EPOR: variants seen among roughly 807,000 people sequenced by gnomAD.
EPOR encodes erythropoietin receptor.
A neutral mutation model predicts 34.3 loss-of-function variants in EPOR; 20 were observed. The ratio of observed to expected loss-of-function variants is 0.58; its 90% CI spans 0.41 to 0.85. The LOEUF is 0.85. Among genes scored for constraint, EPOR ranks in the 40% least tolerant of loss-of-function variants. The pLI is 0.00. For missense variants in EPOR, 601 were observed against 672.7 expected, an observed-to-expected ratio of 0.89 and a Z score of 1.18; for synonymous variants, 312 against 299.0, an observed-to-expected ratio of 1.04 and a Z score of -0.45.
chr19:11,377,529 A>G lies in EPOR; in HGVS notation c.*455T>C, dbSNP rs982622373. ...CTGGAAGAGTCTGAACCTCTGACTC[A>G]TCCCATGGATGGCTGCCCATTTGAG... is the stretch of plus-strand genomic sequence containing the variant. On this transcript the variant is annotated 3_prime_UTR_variant, in exon 8 of 8. Transcript: ENST00000222139. 6.6e-6 allele frequency: 3 copies of G among 454,328 alleles called. No individual in the cohort carries two copies. The highest frequency in any genetic ancestry group is 6.0e-5 in the African/African-American group (3 of 50,026). The allele number at this position is 454,328 out of a possible 1,614,324, so 28.1% of individuals were successfully genotyped here. A position where few individuals can be genotyped will look rare whatever the true frequency, so the allele number is the denominator to read the frequency against.
rs1325116886 is a variant in EPOR, at chr19:11,381,038, C to T, written c.739+18G>A. On this transcript the variant is annotated intron_variant, in intron 5 of 7. Coordinates refer to ENST00000222139, the MANE Select transcript of EPOR (RefSeq NM_000121.4). The surrounding 1 kb of genome is among the most constrained non-coding windows in gnomAD (Gnocchi z 5.3). ...TGATTCGCCCTGGCTCCTCCTACAC[C>T]CCCGCCTGGGGCCTCACCGCTAGGC... The T allele has an allele frequency of 6.3e-7, 1 of 1,591,892 alleles. No individual in the cohort carries two copies. Among genetic ancestry groups the T allele is most frequent in the Middle Eastern group, 1.7e-4 (1 of 6,016 alleles).
Position 11,382,083 on chromosome 19 carries a change from G to T in EPOR, c.274C>A (p.Arg92Ser). 1 of 1,613,964 alleles carries T rather than the reference G, an allele frequency of 6.2e-7. No individual in the cohort carries two copies. Among genetic ancestry groups the T allele is most frequent in the South Asian group, 1.1e-5 (1 of 91,066 alleles). The change falls in exon 3 of 8, where the codon CGC becomes AGC. Residue 92 changes from arginine to serine, a missense_variant. Arg to Ser is a moderately radical substitution (Grantham distance 110). Coordinates refer to ENST00000222139, the MANE Select transcript of EPOR (RefSeq NM_000121.4). ...QLEDEPWKLCRLHQAPTARGA... is the reference protein window; with the variant it reads ...QLEDEPWKLCSLHQAPTARGA... ...CGAGCCGTGGGAGCCTGGTGCAGGC[G>T]ACACAGCTTCCATGGCTCATCCCTA...
rs776503090 is a variant in EPOR at position 11,381,662 on chromosome 19, T to TG, written c.585+29dup. ...GGCTGGGCCGTAGTCAGTGGAGCTT[T>TG]GGGGGCTGGGCCGTAGGGGCTGGCC... On this transcript the variant is annotated intron_variant, in intron 4 of 7. Transcript: ENST00000222139. The surrounding 1 kb of genome is among the most constrained non-coding windows in gnomAD (Gnocchi z 5.3). 4 of 1,579,894 alleles carry TG rather than the reference T, an allele frequency of 2.5e-6. No homozygotes were observed. The highest frequency in any genetic ancestry group is 3.4e-6 in the Non-Finnish European group (4 of 1,162,812).
chr19:11,379,980 C>T lies in EPOR; in HGVS notation c.827+904G>A, dbSNP rs112371899. On this transcript the variant is annotated intron_variant, in intron 6 of 7. Coordinates refer to ENST00000222139, the MANE Select transcript of EPOR (RefSeq NM_000121.4). ...CATCCCAAAGTGCTGGGATTACAGG[C>T]GTGAGCCACCATGCCAGGCCATGCC... Among the ~76,000 whole-genome samples, 1,143 of 152,270 alleles carry T rather than the reference C, an allele frequency of 7.5e-3. 14 individuals are homozygous for T. The highest frequency in any genetic ancestry group is 0.027 in the African/African-American group (1,104 of 41,568).
chr19:11,380,840 T>C, intron 6 of EPOR, 44 bp downstream of exon 6: 1 of 1,454,482 alleles, frequency 6.9e-7, no homozygotes. Context: ...AGAGGACCGT[T>C]GGCGGGGAGG....
Position 11,383,402 on chromosome 19 carries a change from A to C in EPOR, c.116-170T>G. ...GGGTCCGCAGAGGTGGTGCCCCCCT[A>C]ATTCCCAGGGGCAAGTTTCTCGCCT... On this transcript the variant is annotated intron_variant, in intron 1 of 7. Coordinates refer to ENST00000222139, the MANE Select transcript of EPOR (RefSeq NM_000121.4). This position sits in a 1 kb window ranked among gnomAD's most constrained non-coding sequence, Gnocchi z 4.9. 1 of 629,474 alleles carries C rather than the reference A, an allele frequency of 1.6e-6. No homozygotes were observed. Among genetic ancestry groups the C allele is most frequent in the Non-Finnish European group, 2.6e-6 (1 of 377,534 alleles). The allele number at this position is 629,474 out of a possible 1,614,324, so 39.0% of individuals were successfully genotyped here. A position where few individuals can be genotyped will look rare whatever the true frequency, so the allele number is the denominator to read the frequency against.
At chr19:11,382,643 G>T (rs1968378643) in intron 2 of EPOR, among the ~76,000 whole-genome samples, 2 of 152,046 alleles carry the variant, frequency 1.3e-5, no homozygotes, top group African/African-American at 2.4e-5. Flanking sequence ...GATTACAGGC[G>T]TGAGCCACCG....
intron 2 of EPOR, 197 bp downstream of exon 2, chr19:11,382,900 C>A: frequency 6.5e-7 from 1 of 1,529,136 alleles, no homozygotes; most frequent in Non-Finnish European, 8.7e-7. Flanking sequence ...CGCGTTCCAG[C>A]GGTGATCGCG....
intron 6 of EPOR, among the ~76,000 whole-genome samples, chr19:11,380,434 G>A (rs1447848300): frequency 6.6e-6 from 1 of 152,250 alleles, no homozygotes; most frequent in Non-Finnish European, 1.5e-5. Context: ...ATTCCAGGCA[G>A]AGGGAACAGC....
chr19:11,383,103 T>C lies in EPOR; in HGVS notation c.245A>G (p.Gln82Arg), dbSNP rs1218322679. Residue 82 changes from glutamine to arginine, a missense_variant, in exon 2 of 8, where the codon CAG (glutamine) becomes CGG (arginine). Gln to Arg is a conservative substitution (Grantham distance 43). Transcript: ENST00000222139. This position sits in a 1 kb window ranked among gnomAD's most constrained non-coding sequence, Gnocchi z 4.9. ...VGPGNYSFSY[Q>R]LEDEPWKLCR... ...CCCGCCGGATCGGACTCACTCGAGC[T>C]GGTAGGAGAAGCTGTAGTTGCCCGG... The C allele has an allele frequency of 6.2e-7, 1 of 1,613,442 alleles. No homozygotes were observed. Among genetic ancestry groups the C allele is most frequent in the Non-Finnish European group, 8.5e-7 (1 of 1,179,838 alleles).
rs761263193 is a variant in EPOR, at chr19:11,381,151, C to T, written c.644G>A (p.Arg215His). 5.1e-6 allele frequency: 8 copies of T among 1,557,988 alleles called. No individual in the cohort carries two copies. The highest frequency in any genetic ancestry group is 3.8e-5 in the Admixed American group (2 of 51,978). ...CVLSNLRGRTRYTFAVRARMA... is the reference protein window; with the variant it reads ...CVLSNLRGRTHYTFAVRARMA... The stretch of plus-strand genomic sequence containing the variant: ...ACGCGCGCGGACGGCGAAGGTGTAG[C>T]GCGTCCGGCCCCGCAGGTTGCTCAG... Residue 215 changes from arginine to histidine, a missense_variant, in exon 5 of 8, where the codon CGC (arginine) becomes CAC (histidine). Coordinates refer to ENST00000222139, the MANE Select transcript of EPOR (RefSeq NM_000121.4). This position sits in a 1 kb window ranked among gnomAD's most constrained non-coding sequence, Gnocchi z 5.3.
In EPOR at chr19:11,377,312, T is replaced by C. The variant is rs749474213; in HGVS notation, c.*672A>G. ...ACAGCTAAACTAAGTTTCCTGGCCTTTCATGTGACTGGGGTCATGTGACTG... is the reference window on the plus strand; with the variant it reads ...ACAGCTAAACTAAGTTTCCTGGCCTCTCATGTGACTGGGGTCATGTGACTG... On this transcript the variant is annotated 3_prime_UTR_variant, in exon 8 of 8. Transcript: ENST00000222139. 10 of 453,974 alleles carry C rather than the reference T, an allele frequency of 2.2e-5. No individual in the cohort carries two copies. The highest frequency in any genetic ancestry group is 3.5e-5 in the Non-Finnish European group (8 of 226,800). The allele number at this position is 453,974 out of a possible 1,614,324, so 28.1% of individuals were successfully genotyped here.
Position 11,381,379 on chromosome 19 carries a change from G to A in EPOR, c.586-170C>T. ...CCAAGAAAGCTCAGGGCCAATCAGA[G>A]AGAGAGTCTCTGGTACGAAAGGGCG... On this transcript the variant is annotated intron_variant, in intron 4 of 7. Coordinates refer to ENST00000222139, the MANE Select transcript of EPOR (RefSeq NM_000121.4). This position sits in a 1 kb window ranked among gnomAD's most constrained non-coding sequence, Gnocchi z 5.3. The A allele has an allele frequency of 2.6e-6, 2 of 766,416 alleles. No homozygotes were observed. Among genetic ancestry groups the A allele is most frequent in the Non-Finnish European group, 4.2e-6 (2 of 470,828 alleles). The allele number at this position is 766,416 out of a possible 1,614,324, so 47.5% of individuals were successfully genotyped here.
chr19:11,380,784 T>C, intron 6 of EPOR, 100 bp downstream of exon 6: 3 of 962,320 alleles, frequency 3.1e-6, no homozygotes, highest in Admixed American at 2.0e-5. Flanking sequence ...CTGCGTGACC[T>C]TGGGCAAGTG....
Position 11,377,964 on chromosome 19 carries a change from A to G in EPOR, c.*20T>C. The G allele has an allele frequency of 6.2e-7, 1 of 1,613,694 alleles. No individual in the cohort carries two copies. Among genetic ancestry groups the G allele is most frequent in the Admixed American group, 1.7e-5 (1 of 60,008 alleles). On this transcript the variant is annotated 3_prime_UTR_variant, in exon 8 of 8. Transcript: ENST00000222139. ...TTCTCTGAGTCATATTGGATCCCTG[A>G]TCATCTGCAGCCTGGTGTCCTAAGA...
chr19:11,380,435 A>G lies in EPOR; in HGVS notation c.827+449T>C, dbSNP rs373279285. ...AAGGCAGGAAGGGCATTCCAGGCAG[A>G]GGGAACAGCATGGGCAAAAGCTTGG... On this transcript the variant is annotated intron_variant, in intron 6 of 7. Coordinates refer to ENST00000222139, the MANE Select transcript of EPOR (RefSeq NM_000121.4). 1.1e-4 allele frequency among the ~76,000 whole-genome samples: 16 copies of G among 152,252 alleles called. No homozygotes were observed. In the South Asian group the frequency reaches 1.7e-3, roughly 16 times the overall value.
chr19:11,384,267 A>G lies in EPOR; in HGVS notation c.-60T>C, dbSNP rs771105576. The G allele has an allele frequency of 2.0e-5, 23 of 1,160,256 alleles. 1 individual carries two copies. In the South Asian group the frequency reaches 3.0e-4, roughly 15 times the overall value. The allele number at this position is 1,160,256 out of a possible 1,614,324, so 71.9% of individuals were successfully genotyped here. A position where few individuals can be genotyped will look rare whatever the true frequency, so the allele number is the denominator to read the frequency against. ...TGCCCCTCCGTCCCCCGCCCCCGGC[A>G]CAGTCCACAGCTGGGTCAGCAGCTG... On this transcript the variant is annotated 5_prime_UTR_variant, in exon 1 of 8. Coordinates refer to ENST00000222139, the MANE Select transcript of EPOR (RefSeq NM_000121.4).
rs1416328803 is a variant in EPOR, at chr19:11,381,321, T to C, written c.586-112A>G. The C allele has an allele frequency of 2.5e-6, 3 of 1,194,772 alleles. No homozygotes were observed. The highest frequency in any genetic ancestry group is 3.6e-6 in the Non-Finnish European group (3 of 834,082). The allele number at this position is 1,194,772 out of a possible 1,614,324, so 74.0% of individuals were successfully genotyped here. A position where few individuals can be genotyped will look rare whatever the true frequency, so the allele number is the denominator to read the frequency against. ...GGAAAGGAAAACGGTGCCCTAGAAT[T>C]GCAATGGGACCAATAAGAGTAGGGG... On this transcript the variant is annotated intron_variant, in intron 4 of 7. Transcript: ENST00000222139. The surrounding 1 kb of genome is among the most constrained non-coding windows in gnomAD (Gnocchi z 5.3).
Position 11,377,777 on chromosome 19 carries a change from G to GTATA in EPOR, c.*203_*206dup, listed in dbSNP as rs767274940. On this transcript the variant is annotated 3_prime_UTR_variant, in exon 8 of 8. Coordinates refer to ENST00000222139, the MANE Select transcript of EPOR (RefSeq NM_000121.4). ...GGTAGAAAAACTTACATACATATGT[G>GTATA]TATATATATATATAGATACAAAAAA... is the stretch of plus-strand genomic sequence containing the variant. The GTATA allele has an allele frequency of 2.4e-5, 17 of 695,952 alleles. No individual in the cohort carries two copies. The highest frequency in any genetic ancestry group is 4.2e-5 in the Non-Finnish European group (16 of 384,608). 43.1% of individuals were successfully genotyped at this position (695,952 alleles called of 1,614,324 possible).
Sources: allele counts gnomAD v4.1 joint callset (sites outside exome capture counted in the v4.1 genomes callset), GRCh38; gene constraint gnomAD v4.1.1; non-coding constraint Gnocchi (gnomAD v3.1); transcripts MANE v1.5; gene names NCBI Gene and HGNC (gene_info 2026-07-23, HGNC 2026-07-21).